Variants in STEAP1B observed in about 807,000 individuals in gnomAD.
STEAP1B encodes the protein STEAP family member 1B.
STEAP1B carries 13 observed loss-of-function variants against 27.9 expected under a neutral mutation model. That is an observed-to-expected ratio of 0.47 (90% CI 0.30 to 0.74). The LOEUF (loss-of-function observed/expected upper bound fraction) is 0.74, where lower values mean the gene tolerates loss of function less well. Among genes scored for constraint, STEAP1B ranks in the 30% least tolerant of loss-of-function variants. The pLI is 0.06. For synonymous variants in STEAP1B, 86 were observed against 107.1 expected (o/e 0.80, Z 1.22); for missense variants, 250 against 298.7 (o/e 0.84, Z 1.20).
Position 22,445,231 on chromosome 7 carries a change from G to T in STEAP1B, c.763-25395C>A, listed in dbSNP as rs553928532. Among the ~76,000 whole-genome samples the T allele has an allele frequency of 2.0e-5, 3 of 152,350 alleles. No individual in the cohort carries two copies. The East Asian group carries it at 5.8e-4, about 29-fold the overall frequency. On this transcript the variant is annotated intron_variant, in intron 4 of 4. Transcript: ENST00000678116. ...ATGACAGCACAGACCTCTTTGTGGTGGGTTCTCTTGGGCCAACAGCAGATT... is the reference window on the plus strand; with the variant it reads ...ATGACAGCACAGACCTCTTTGTGGTTGGTTCTCTTGGGCCAACAGCAGATT...
chr7:22,500,042 G>A (rs1228431474), intron 1 of STEAP1B, 72 bp downstream of exon 1: 1 of 152,614 alleles, frequency 6.6e-6, no homozygotes, highest in East Asian at 1.9e-4. Flanking sequence ...GGGAGCGGGC[G>A]CCCAGCCTTG....
At chr7:22,421,509 T>C (rs1444663931) in intron 4 of STEAP1B, among the ~76,000 whole-genome samples, 3 of 152,234 alleles carry the variant, frequency 2.0e-5, no homozygotes, top group African/African-American at 4.8e-5. Flanking sequence ...ATCTATACTG[T>C]CTGCAAGGCA....
Position 22,419,706 on chromosome 7 carries a change from C to A in STEAP1B, c.*98G>T. 1.5e-6 allele frequency: 2 copies of A among 1,372,252 alleles called. No individual in the cohort carries two copies. The highest frequency in any genetic ancestry group is 2.0e-6 in the Non-Finnish European group (2 of 1,021,660). The allele number at this position is 1,372,252 out of a possible 1,614,324, so 85.0% of individuals were successfully genotyped here. A position where few individuals can be genotyped will look rare whatever the true frequency, so the allele number is the denominator to read the frequency against. On this transcript the variant is annotated 3_prime_UTR_variant, in exon 5 of 5. Transcript: ENST00000678116. ...CCTGCAGCATGGCTGTTCATTGTGG[C>A]AGAGGGAAAGGGCACTGGGTGGTGT... is the stretch of plus-strand genomic sequence containing the variant.
chr7:22,419,957 T>C, intron 4 of STEAP1B, 121 bp from the exon 5 acceptor site: 2 of 1,208,500 alleles, frequency 1.7e-6, no homozygotes, highest in South Asian at 1.7e-5. Context: ...TTTTCTAAAG[T>C]CACCAGGGAG....
intron 4 of STEAP1B, chr7:22,438,831 A>G: frequency 1.4e-6 from 2 of 1,428,466 alleles, no homozygotes; most frequent in South Asian, 3.1e-5. Flanking sequence ...TGATAAGTGT[A>G]TAATGAGAAA....
intron 4 of STEAP1B, among the ~76,000 whole-genome samples, chr7:22,458,171 C>CA: frequency 6.6e-6 from 1 of 152,314 alleles, no homozygotes; most frequent in East Asian, 1.9e-4. Context: ...CAGGTGACAA[C>CA]TATGTGCCAG....
In STEAP1B at chr7:22,471,893, C is replaced by CAAAAAAAAAAA. The variant is rs59453902; in HGVS notation, c.762+20661_762+20671dup. Among the ~76,000 whole-genome samples the CAAAAAAAAAAA allele has an allele frequency of 3.3e-5, 2 of 60,178 alleles. 1 individual carries two copies. The highest frequency in any genetic ancestry group is 6.5e-5 in the Non-Finnish European group (2 of 30,842). 39.5% of individuals were successfully genotyped at this position (60,178 alleles called of 152,430 possible). On this transcript the variant is annotated intron_variant, in intron 4 of 4. Coordinates refer to ENST00000678116, the MANE Select transcript of STEAP1B (RefSeq NM_001382447.1). Reference sequence around the variant, plus strand: ...ACTCCCGCCTGGGCAAACCTGTCTCCAAAAAAAAAAAAAAAAAAAAAAAAA... The same window carrying CAAAAAAAAAAA: ...ACTCCCGCCTGGGCAAACCTGTCTCCAAAAAAAAAAAAAAAAAAAAAAAAAAAAAAAAAAAA...
intron 4 of STEAP1B, among the ~76,000 whole-genome samples, chr7:22,468,123 A>G (rs1280056229): frequency 6.6e-6 from 1 of 152,186 alleles, no homozygotes; most frequent in Non-Finnish European, 1.5e-5. Context: ...GCTAAATTCA[A>G]ATTTCAGATA....
chr7:22,499,143 G>A (rs73685812), intron 1 of STEAP1B, among the ~76,000 whole-genome samples: 1 of 152,124 alleles, frequency 6.6e-6, no homozygotes, highest in Non-Finnish European at 1.5e-5. Context: ...TCTTTCACCC[G>A]CTTTTAAAAA....
chr7:22,494,531 C>G (rs987578913), intron 2 of STEAP1B, among the ~76,000 whole-genome samples: 1 of 151,736 alleles, frequency 6.6e-6, no homozygotes, highest in Non-Finnish European at 1.5e-5. Flanking sequence ...CAAACTAAGA[C>G]CCCAGATTTT....
chr7:22,463,355 A>G lies in STEAP1B; in HGVS notation c.762+29210T>C, dbSNP rs199901803. ...TCCATGCTCATGGGTAGGAAGAATC[A>G]ATATCATGAAAATGGCCATACTGCC... On this transcript the variant is annotated intron_variant, in intron 4 of 4. Coordinates refer to ENST00000678116, the MANE Select transcript of STEAP1B (RefSeq NM_001382447.1). 2.0e-5 allele frequency among the ~76,000 whole-genome samples: 3 copies of G among 152,288 alleles called. No individual in the cohort carries two copies. In the East Asian group the frequency reaches 5.8e-4, roughly 29 times the overall value.
At chr7:22,456,970 ATATTTTTTT>A (rs1263844384) in intron 4 of STEAP1B, among the ~76,000 whole-genome samples, 4 of 26,176 alleles carry the variant, frequency 1.5e-4, no homozygotes, top group East Asian at 6.8e-3. Context: ...ATATATATAT[ATATTTTTTT>A]TTTTTTTAAG....
intron 4 of STEAP1B, among the ~76,000 whole-genome samples, chr7:22,488,003 C>G (rs950397015): frequency 1.3e-5 from 2 of 152,278 alleles, no homozygotes; most frequent in African/African-American, 4.8e-5. Context: ...GACTGGCATT[C>G]TAACCCATTT....
At chr7:22,454,668 C>T (rs1434144645) in intron 4 of STEAP1B, among the ~76,000 whole-genome samples, 3 of 151,668 alleles carry the variant, frequency 2.0e-5, no homozygotes, top group African/African-American at 7.3e-5. Context: ...CTGTGCACGG[C>T]CGAGGCTGCA....
chr7:22,499,896 G>A (rs1433631769), intron 1 of STEAP1B, among the ~76,000 whole-genome samples: 1 of 151,950 alleles, frequency 6.6e-6, no homozygotes, highest in Non-Finnish European at 1.5e-5. Context: ...CCCCCGGCCC[G>A]GCCACAACCC....
chr7:22,482,244 T>G (rs1786091879), intron 4 of STEAP1B, among the ~76,000 whole-genome samples: 1 of 152,170 alleles, frequency 6.6e-6, no homozygotes, highest in South Asian at 2.1e-4. Flanking sequence ...GGGCTTCGTG[T>G]TCCAATGATT....
chr7:22,486,917 C>A (rs1786219794), intron 4 of STEAP1B, among the ~76,000 whole-genome samples: 2 of 152,130 alleles, frequency 1.3e-5, no homozygotes, highest in South Asian at 4.1e-4. Context: ...TCAGTGCTTT[C>A]CCCAGGAAGG....
At chr7:22,442,103 G>A (rs1441647987) in intron 4 of STEAP1B, among the ~76,000 whole-genome samples, 1 of 152,160 alleles carries the variant, frequency 6.6e-6, no homozygotes, top group African/African-American at 2.4e-5. Context: ...GTAAGTACTT[G>A]TGGAATGAAT....
intron 4 of STEAP1B, among the ~76,000 whole-genome samples, chr7:22,473,146 G>A (rs766876877): frequency 1.3e-5 from 2 of 152,134 alleles, no homozygotes; most frequent in African/African-American, 2.4e-5. Context: ...CCAGGACACC[G>A]CAAGTCATTA....
Sources: allele counts gnomAD v4.1 joint callset (sites outside exome capture counted in the v4.1 genomes callset), GRCh38; gene constraint gnomAD v4.1.1; transcripts MANE v1.5; gene names NCBI Gene and HGNC (gene_info 2026-07-23, HGNC 2026-07-21).